The following CUBN variants were observed in gnomAD, a reference collection of about 807,000 sequenced individuals.
CUBN encodes 460 kDa receptor.
In CUBN, 282 loss-of-function variants were observed where a neutral mutation model predicts 405.3. The observed-to-expected ratio is 0.70, with a 90% CI of 0.63 to 0.77. The LOEUF is 0.77. Ranked by LOEUF, CUBN falls within the 30% of genes least tolerant of loss-of-function variation. The pLI is 0.00. For synonymous variants in CUBN, 1,684 were observed against 1,617.0 expected (o/e 1.04, Z -0.99); for missense variants, 4,514 against 4,475.2 (o/e 1.01, Z -0.25).
At chr10:17,079,773 A>C (rs903873560) in intron 17 of CUBN, among the ~76,000 whole-genome samples, 17 of 152,170 alleles carry the variant, frequency 1.1e-4, no homozygotes, top group Admixed American at 5.9e-4. Context: ...TGAGGGAAGC[A>C]AGTGCCTCAT....
chr10:17,043,784 C>G, intron 26 of CUBN, 43 bp downstream of exon 26: 2 of 1,583,286 alleles, frequency 1.3e-6, no homozygotes, highest in Non-Finnish European at 1.7e-6. Flanking sequence ...TTCACACTTA[C>G]TCTGCCAGTA....
At chr10:16,901,510 C>A (rs114528750) in intron 51 of CUBN, 51 bp from the exon 52 acceptor site, 1 of 1,608,230 alleles carries the variant, frequency 6.2e-7, no homozygotes, top group Non-Finnish European at 8.5e-7. Flanking sequence ...AAAAAAAGAA[C>A]CGATAATGCC....
chr10:16,907,870 G>A lies in CUBN; in HGVS notation c.7534-191C>T, dbSNP rs989988313. On this transcript the variant is annotated intron_variant, in intron 48 of 66. Coordinates refer to ENST00000377833, the MANE Select transcript of CUBN (RefSeq NM_001081.4). The stretch of plus-strand genomic sequence containing the variant: ...CCCCGAGCACATTTTGTGACTTCAG[G>A]GTGATTTCACTAGAATGAAAGTATT... Among the ~76,000 whole-genome samples, 22 of 152,140 alleles carry A rather than the reference G, an allele frequency of 1.4e-4. 1 individual carries two copies. Among genetic ancestry groups the A allele is most frequent in the Non-Finnish European group, 2.9e-5 (2 of 68,028 alleles).
At chr10:17,044,313 T>G (rs1435456471) in intron 25 of CUBN, among the ~76,000 whole-genome samples, 1 of 147,910 alleles carries the variant, frequency 6.8e-6, no homozygotes, top group East Asian at 1.9e-4. Flanking sequence ...ATATAATAAA[T>G]ATATATTTTT....
chr10:17,095,622 T>C (rs1381654502), intron 14 of CUBN, among the ~76,000 whole-genome samples: 1 of 151,922 alleles, frequency 6.6e-6, no homozygotes, highest in Non-Finnish European at 1.5e-5. Flanking sequence ...TGATGAGATG[T>C]GGAGAAAAGG....
chr10:16,867,822 T>C (rs1283580321), intron 59 of CUBN, among the ~76,000 whole-genome samples: 1 of 152,194 alleles, frequency 6.6e-6, no homozygotes, highest in Non-Finnish European at 1.5e-5. Context: ...TCTTTGTGGC[T>C]TGGAAAGACA....
At chr10:16,874,550 A>G in intron 57 of CUBN, 47 bp from the exon 58 acceptor site, 1 of 1,610,550 alleles carries the variant, frequency 6.2e-7, no homozygotes, top group Non-Finnish European at 8.5e-7. Context: ...GATTAGTCCC[A>G]GCATGGAAAA....
chr10:16,862,546 A>T (rs1239349590), intron 59 of CUBN, among the ~76,000 whole-genome samples: 1 of 152,226 alleles, frequency 6.6e-6, no homozygotes, highest in East Asian at 1.9e-4. Context: ...TACAGCTACC[A>T]TGTAATGTTA....
At chr10:17,087,466 CTTTTTCTTTTTT>C (rs1229636146) in intron 15 of CUBN, among the ~76,000 whole-genome samples, 2 of 79,772 alleles carry the variant, frequency 2.5e-5, no homozygotes, top group African/African-American at 5.6e-5. Context: ...TATTATTTTT[CTTTTTCTTTTTT>C]TTTTTTTTTT....
intron 22 of CUBN, among the ~76,000 whole-genome samples, chr10:17,063,345 A>C (rs1422650453): frequency 6.6e-6 from 1 of 152,336 alleles, no homozygotes; most frequent in South Asian, 2.1e-4. Context: ...GCCCAGGGAC[A>C]GAAAGCAAAC....
At chr10:17,052,369 G>T (rs919513742) in intron 22 of CUBN, among the ~76,000 whole-genome samples, 1 of 152,098 alleles carries the variant, frequency 6.6e-6, no homozygotes, top group Admixed American at 6.5e-5. Context: ...ATAAATCATT[G>T]TATAAATATA....
intron 64 of CUBN, among the ~76,000 whole-genome samples, chr10:16,833,301 C>A (rs1839063795): frequency 6.6e-6 from 1 of 152,194 alleles, no homozygotes; most frequent in Non-Finnish European, 1.5e-5. Flanking sequence ...AATAACCTGA[C>A]CGGCACAAAG....
rs892296502 is a variant in CUBN at position 16,899,080 on chromosome 10, G to A, written c.8514C>T (p.His2838=). 6.2e-7 allele frequency: 1 copy of A among 1,613,576 alleles called. No homozygotes were observed. The highest frequency in any genetic ancestry group is 8.5e-7 in the Non-Finnish European group (1 of 1,179,466). The change falls in exon 54 of 67, where the codon CAC becomes CAT. Residue 2838 remains histidine, a synonymous_variant. Transcript: ENST00000377833. ...NSRCSWTAIT[H]KSKHLEISFD... ...AGCTGATCTCCAAGTGTTTACTTTT[G>A]TGAGTAATGGCCGTCCAGGAACATC...
chr10:16,898,511 T>A (rs1841260253), intron 54 of CUBN, among the ~76,000 whole-genome samples: 1 of 152,174 alleles, frequency 6.6e-6, no homozygotes, highest in Admixed American at 6.5e-5. Context: ...ACAGTACAGA[T>A]GAAATGAATT....
intron 41 of CUBN, 39 bp from the exon 42 acceptor site, chr10:16,925,813 A>G (rs369973985): frequency 6.3e-7 from 1 of 1,578,760 alleles, no homozygotes; most frequent in Non-Finnish European, 8.7e-7. Flanking sequence ...TTTAAATAGC[A>G]TTGGCAACTG....
intron 31 of CUBN, among the ~76,000 whole-genome samples, chr10:16,980,519 G>T (rs1380423820): frequency 6.6e-6 from 1 of 152,112 alleles, no homozygotes. Context: ...CCATAAAAAA[G>T]GATGAGTTCA....
chr10:17,094,346 A>T (rs1419632204), intron 14 of CUBN, among the ~76,000 whole-genome samples: 3 of 152,114 alleles, frequency 2.0e-5, no homozygotes, highest in Admixed American at 2.0e-4. Context: ...AAGGTAAAAA[A>T]TGCATTCTTA....
chr10:16,947,399 G>C (rs983480054), intron 35 of CUBN, 32 bp from the exon 36 acceptor site: 42 of 1,612,838 alleles, frequency 2.6e-5, no homozygotes, highest in Non-Finnish European at 3.4e-5. Flanking sequence ...GTGAGTATCA[G>C]AGCAAAGACT....
At chr10:16,892,683 G>A (rs1841070152) in intron 54 of CUBN, among the ~76,000 whole-genome samples, 1 of 151,852 alleles carries the variant, frequency 6.6e-6, no homozygotes, top group Non-Finnish European at 1.5e-5. Flanking sequence ...TTGCAGAGAT[G>A]GGGTTTTCCC....
Sources: gnomAD v4.1 joint callset for allele counts (sites outside exome capture counted in the v4.1 genomes callset) on GRCh38, gnomAD v4.1.1 for gene constraint, MANE v1.5 for transcripts, NCBI Gene and HGNC (gene_info 2026-07-23, HGNC 2026-07-21) for gene names.